Variants in CRPPA observed in about 807,000 individuals in gnomAD.
CRPPA encodes the protein CDP-L-ribitol pyrophosphorylase A.
A neutral mutation model predicts 52.0 loss-of-function variants in CRPPA; 43 were observed. The observed-to-expected ratio is 0.83, with a 90% CI of 0.65 to 1.07. The LOEUF (loss-of-function observed/expected upper bound fraction) is 1.07, where lower values mean the gene tolerates loss of function less well. CRPPA is among the 50% of genes least tolerant of loss of function. The pLI is 0.00. For synonymous variants in CRPPA, 250 were observed against 203.5 expected (o/e 1.23, Z -1.94); for missense variants, 629 against 551.7 (o/e 1.14, Z -1.40).
At chr7:16,262,223 T>C (rs1177467215) in intron 6 of CRPPA, 3 of 152,308 alleles carry the variant, frequency 2.0e-5, no homozygotes, top group East Asian at 1.9e-4. Flanking sequence ...TTCTACTTGA[T>C]ACATGAAAAG....
chr7:16,278,225 C>T lies in CRPPA; in HGVS notation c.837G>A (p.Glu279=), dbSNP rs1169696419. ...DLYAAESIIK[E]RISQEICVVM... ...CTACACAAATCTCTTGGGAAATTCT[C>T]TCTGAAATTAAAAAAAAAAAGTTTT... The change falls in exon 6 of 10, where the codon GAG becomes GAA. Residue 279 remains glutamate (E), a splice_region_variant and synonymous_variant. Coordinates refer to ENST00000407010, the MANE Select transcript of CRPPA (RefSeq NM_001101426.4). 6.7e-7 allele frequency: 1 copy of T among 1,501,328 alleles called. No individual in the cohort carries two copies. Among genetic ancestry groups the T allele is most frequent in the Non-Finnish European group, 9.1e-7 (1 of 1,104,598 alleles). The allele number at this position is 1,501,328 out of a possible 1,614,324, so 93.0% of individuals were successfully genotyped here. A position where few individuals can be genotyped will look rare whatever the true frequency, so the allele number is the denominator to read the frequency against.
intron 3 of CRPPA, among the ~76,000 whole-genome samples, chr7:16,371,621 AAAGT>A (rs1562659639): frequency 6.6e-6 from 1 of 152,054 alleles, no homozygotes; most frequent in African/African-American, 2.4e-5. Context: ...AAGAATCAGA[AAAGT>A]AATTCTGGCA....
At chr7:16,392,371 C>G (rs375925190) in intron 2 of CRPPA, among the ~76,000 whole-genome samples, 1 of 152,128 alleles carries the variant, frequency 6.6e-6, no homozygotes, top group South Asian at 2.1e-4. Context: ...CTCAGTAGAG[C>G]GCATGGGCAA....
chr7:16,274,395 T>C (rs1294610307), intron 6 of CRPPA, among the ~76,000 whole-genome samples: 1 of 152,166 alleles, frequency 6.6e-6, no homozygotes, highest in African/African-American at 2.4e-5. Flanking sequence ...TTGTGTGGCA[T>C]AACAGGTTTT....
rs375559204 is a variant in CRPPA at position 16,219,322 on chromosome 7, T to C, written c.1120-3125A>G. On this transcript the variant is annotated intron_variant, in intron 8 of 9. Coordinates refer to ENST00000407010, the MANE Select transcript of CRPPA (RefSeq NM_001101426.4). ...GTAGAGGGAAATTTATAGCACTAAA[T>C]GCCCACAAGAGAAAGCAGGAAAGAT... is the stretch of plus-strand genomic sequence containing the variant. Among the ~76,000 whole-genome samples the C allele has an allele frequency of 1.1e-4, 16 of 144,276 alleles. No homozygotes were observed. In the East Asian group the frequency reaches 3.3e-3, roughly 29 times the overall value. The allele number at this position is 144,276 out of a possible 152,430, so 94.7% of individuals were successfully genotyped here.
intron 9 of CRPPA, among the ~76,000 whole-genome samples, chr7:16,099,595 G>C (rs1267798182): frequency 6.6e-6 from 1 of 152,154 alleles, no homozygotes; most frequent in African/African-American, 2.4e-5. Flanking sequence ...ACTTTACGGA[G>C]CAGGAACAGA....
chr7:16,238,363 G>C (rs1783005987), intron 8 of CRPPA, among the ~76,000 whole-genome samples: 1 of 152,106 alleles, frequency 6.6e-6, no homozygotes, highest in Admixed American at 6.6e-5. Flanking sequence ...TCCCTGCCAA[G>C]TGCTAACTGG....
At position 16,089,823 on chromosome 7, in the gene CRPPA, T is replaced by C. The variant is rs1227720516; in HGVS notation, c.*1872A>G. The C allele has an allele frequency of 1.8e-5, 3 of 169,864 alleles. No homozygotes were observed. Among genetic ancestry groups the C allele is most frequent in the Non-Finnish European group, 3.9e-5 (3 of 77,164 alleles). 10.5% of individuals were successfully genotyped at this position (169,864 alleles called of 1,614,324 possible). On this transcript the variant is annotated 3_prime_UTR_variant, in exon 10 of 10. Transcript: ENST00000407010. ...GTAGGATTCCTTAAGCTGAAGTCTA[T>C]GTTAACTCAGCCAGCACTCCAGCGA...
At chr7:16,399,399 T>C (rs1787728570) in intron 2 of CRPPA, among the ~76,000 whole-genome samples, 1 of 125,336 alleles carries the variant, frequency 8.0e-6, no homozygotes, top group Admixed American at 7.8e-5. Flanking sequence ...GTGATTGGCA[T>C]GTGACACCTT....
intron 8 of CRPPA, among the ~76,000 whole-genome samples, chr7:16,242,623 A>G (rs1410353340): frequency 6.6e-6 from 1 of 152,214 alleles, no homozygotes; most frequent in Non-Finnish European, 1.5e-5. Flanking sequence ...ATTTAGAAAA[A>G]TCACATATGA....
rs755221887 is a variant in CRPPA at position 16,258,371 on chromosome 7, C to A, written c.1119+19G>T. ...AAGGAAGCATAAGTTTGAGAAAAATCTGCATTAATTTCACTTACTGAAACA... is the reference window on the plus strand; with the variant it reads ...AAGGAAGCATAAGTTTGAGAAAAATATGCATTAATTTCACTTACTGAAACA... On this transcript the variant is annotated intron_variant, in intron 8 of 9. Transcript: ENST00000407010. 5 of 1,464,616 alleles carry A rather than the reference C, an allele frequency of 3.4e-6. No homozygotes were observed. The highest frequency in any genetic ancestry group is 1.8e-4 in the Middle Eastern group (1 of 5,670). 90.7% of individuals were successfully genotyped at this position (1,464,616 alleles called of 1,614,324 possible).
At chr7:16,366,462 C>A (rs890092114) in intron 3 of CRPPA, among the ~76,000 whole-genome samples, 2 of 152,136 alleles carry the variant, frequency 1.3e-5, no homozygotes, top group Non-Finnish European at 2.9e-5. Flanking sequence ...GTGGCTGAAA[C>A]TATAACCACT....
chr7:16,092,024 A>C (rs1330255216), intron 9 of CRPPA, among the ~76,000 whole-genome samples: 1 of 152,206 alleles, frequency 6.6e-6, no homozygotes, highest in African/African-American at 2.4e-5. Context: ...GCAAGGAAAA[A>C]CACTGACACA....
intron 6 of CRPPA, among the ~76,000 whole-genome samples, chr7:16,274,984 G>A (rs1784170479): frequency 6.6e-6 from 1 of 152,084 alleles, no homozygotes; most frequent in Non-Finnish European, 1.5e-5. Flanking sequence ...GCTGAGGCAC[G>A]AGAATCATTT....
intron 9 of CRPPA, among the ~76,000 whole-genome samples, chr7:16,122,256 G>A (rs1414582925): frequency 1.3e-5 from 2 of 151,872 alleles, no homozygotes; most frequent in African/African-American, 2.4e-5. Context: ...ATTCTGATTG[G>A]GATTGGAAGG....
At chr7:16,219,963 T>A (rs1782453722) in intron 8 of CRPPA, among the ~76,000 whole-genome samples, 1 of 147,302 alleles carries the variant, frequency 6.8e-6, no homozygotes, top group African/African-American at 2.5e-5. Flanking sequence ...ATCATTCTGA[T>A]ACCAAAGCCG....
At chr7:16,247,752 T>C (rs540190889) in intron 8 of CRPPA, 29 of 152,308 alleles carry the variant, frequency 1.9e-4, no homozygotes, top group African/African-American at 6.5e-4. Context: ...TACGTTCAAG[T>C]ATTATAAAGG....
intron 2 of CRPPA, 53 bp from the exon 3 acceptor site, chr7:16,376,294 G>C (rs959236002): frequency 1.4e-5 from 21 of 1,525,548 alleles, no homozygotes; most frequent in Admixed American, 2.1e-5. Flanking sequence ...ATTTTAAAGT[G>C]AAATTCTGAA....
intron 1 of CRPPA, among the ~76,000 whole-genome samples, chr7:16,407,254 A>C (rs1787976257): frequency 6.6e-6 from 1 of 152,164 alleles, no homozygotes; most frequent in Non-Finnish European, 1.5e-5. Flanking sequence ...TTGGGATTAT[A>C]GGCATGAGCC....
Sources: gnomAD v4.1 joint callset for allele counts (sites outside exome capture counted in the v4.1 genomes callset) on GRCh38, gnomAD v4.1.1 for gene constraint, MANE v1.5 for transcripts, NCBI Gene and HGNC (gene_info 2026-07-23, HGNC 2026-07-21) for gene names.